SOX6: variants seen among roughly 807,000 people sequenced by gnomAD.
SOX6 encodes SRY-box transcription factor 6.
Under a neutral mutation model 97.8 loss-of-function variants are expected in SOX6, and 11 were observed. The ratio of observed to expected loss-of-function variants is 0.11; its 90% CI spans 0.07 to 0.19. SOX6 has a LOEUF of 0.19. SOX6 is among the 10% of genes least tolerant of loss of function. The pLI, the probability that SOX6 is intolerant of heterozygous loss-of-function variation, is 1.00. For synonymous variants in SOX6, 360 were observed against 371.4 expected, an observed-to-expected ratio of 0.97 and a Z score of 0.35; for missense variants, 810 against 1,039.5, an observed-to-expected ratio of 0.78 and a Z score of 3.04.
chr11:16,135,001 C>G (rs574518743), intron 6 of SOX6, among the ~76,000 whole-genome samples: 1 of 152,164 alleles, frequency 6.6e-6, no homozygotes, highest in African/African-American at 2.4e-5. Context: ...GAAGCCAATG[C>G]TCATTTACCA....
At chr11:16,737,863 G>A (rs555398072) in intron 1 of SOX6, among the ~76,000 whole-genome samples, 4 of 152,058 alleles carry the variant, frequency 2.6e-5, no homozygotes, top group African/African-American at 9.6e-5. Context: ...TTTAAAAAAT[G>A]GTTAATTTTA....
At chr11:16,483,402 C>G (rs1321175678) in intron 4 of SOX6, among the ~76,000 whole-genome samples, 2 of 151,808 alleles carry the variant, frequency 1.3e-5, no homozygotes, top group Non-Finnish European at 2.9e-5. Context: ...AGAAGTCTTG[C>G]TGAAAGGATT....
At chr11:16,479,588 A>G (rs188514717), upstream of SOX6, among the ~76,000 whole-genome samples, 77 of 152,128 alleles carry the variant, frequency 5.1e-4, no homozygotes, top group Non-Finnish European at 8.4e-4. Context: ...GAAGAAATGC[A>G]AATGTCCAAT....
intron 4 of SOX6, among the ~76,000 whole-genome samples, chr11:16,482,560 T>G (rs1046303804): frequency 9.2e-5 from 14 of 152,206 alleles, no homozygotes; most frequent in African/African-American, 3.4e-4. Context: ...AAGTGTCACT[T>G]GTTTTCTACA....
At chr11:16,225,516 C>A (rs1396511762) in intron 4 of SOX6, among the ~76,000 whole-genome samples, 2 of 147,842 alleles carry the variant, frequency 1.4e-5, no homozygotes, top group South Asian at 2.1e-4. Context: ...GTAGAAAAGG[C>A]AATGCATGGA....
intron 4 of SOX6, among the ~76,000 whole-genome samples, chr11:16,518,109 A>T (rs1861002425): frequency 6.6e-6 from 1 of 152,208 alleles, no homozygotes; most frequent in South Asian, 2.1e-4. Flanking sequence ...GCAGTCCTAC[A>T]CATAAAGCCT....
At chr11:16,488,534 T>C (rs1860470037) in intron 4 of SOX6, among the ~76,000 whole-genome samples, 1 of 152,042 alleles carries the variant, frequency 6.6e-6, no homozygotes, top group Non-Finnish European at 1.5e-5. Context: ...ACATCTTAGG[T>C]GATGTGGTGG....
intron 1 of SOX6, among the ~76,000 whole-genome samples, chr11:16,367,578 G>A (rs1036290723): frequency 6.6e-6 from 1 of 152,168 alleles, no homozygotes; most frequent in Non-Finnish European, 1.5e-5. Context: ...GAATAGCCCA[G>A]TGAAGTGCAA....
At chr11:16,422,045 G>C (rs1309593822) in intron 1 of SOX6, among the ~76,000 whole-genome samples, 3 of 152,142 alleles carry the variant, frequency 2.0e-5, no homozygotes, top group African/African-American at 7.2e-5. Flanking sequence ...GCAGTCCCTA[G>C]GCGTGCTTCA....
At chr11:15,979,066 A>ATATATAT (rs1564890454) in intron 15 of SOX6, among the ~76,000 whole-genome samples, 2 of 59,864 alleles carry the variant, frequency 3.3e-5, no homozygotes, top group African/African-American at 1.3e-4. Flanking sequence ...TATATATATA[A>ATATATAT]AACTGCTTAT....
intron 6 of SOX6, among the ~76,000 whole-genome samples, chr11:16,134,123 T>C (rs1849892762): frequency 6.6e-6 from 1 of 152,238 alleles, no homozygotes; most frequent in South Asian, 2.1e-4. Context: ...CACATTTAAT[T>C]CTCAAAACAT....
intron 4 of SOX6, among the ~76,000 whole-genome samples, chr11:16,504,506 C>A (rs1165906634): frequency 6.6e-6 from 1 of 151,556 alleles, no homozygotes; most frequent in Non-Finnish European, 1.5e-5. Flanking sequence ...CAAAAAAAAA[C>A]TTCGAAATAA....
At chr11:16,672,341 G>T (rs953107891) in intron 3 of SOX6, among the ~76,000 whole-genome samples, 1 of 152,190 alleles carries the variant, frequency 6.6e-6, no homozygotes, top group African/African-American at 2.4e-5. Flanking sequence ...CCATTTAAAA[G>T]GCCCAGAGTG....
chr11:16,461,452 T>C (rs2133106493), intron 1 of SOX6, among the ~76,000 whole-genome samples: 1 of 152,314 alleles, frequency 6.6e-6, no homozygotes, highest in South Asian at 2.1e-4. Flanking sequence ...CTTAGCCTTA[T>C]GGATCACGAT....
intron 4 of SOX6, among the ~76,000 whole-genome samples, chr11:16,503,707 T>C (rs551765256): frequency 2.0e-5 from 3 of 152,220 alleles, no homozygotes; most frequent in Non-Finnish European, 2.9e-5. Flanking sequence ...AAAATGTCAT[T>C]ATATAATGAT....
At chr11:16,691,989 T>C (rs1471494912) in intron 3 of SOX6, among the ~76,000 whole-genome samples, 1 of 151,994 alleles carries the variant, frequency 6.6e-6, no homozygotes, top group Non-Finnish European at 1.5e-5. Flanking sequence ...CGTCTCTCTT[T>C]AAAAGAAAAA....
intron 1 of SOX6, among the ~76,000 whole-genome samples, chr11:16,364,704 T>C (rs544889752): frequency 3.3e-5 from 5 of 152,230 alleles, no homozygotes; most frequent in South Asian, 4.2e-4. Context: ...GGTAGAGCAA[T>C]TAATTGCTAG....
intron 3 of SOX6, among the ~76,000 whole-genome samples, chr11:16,643,158 T>C (rs1389446755): frequency 6.6e-6 from 1 of 152,220 alleles, no homozygotes; most frequent in Non-Finnish European, 1.5e-5. Flanking sequence ...TGCAGGTCTG[T>C]TGGGGTTTGC....
chr11:16,297,998 G>C (rs1336646943), intron 3 of SOX6, among the ~76,000 whole-genome samples: 1 of 152,008 alleles, frequency 6.6e-6, no homozygotes, highest in East Asian at 1.9e-4. Context: ...TTCTTTAAAT[G>C]AATTCAGTAG....
Sources: gnomAD v4.1 joint callset for allele counts (sites outside exome capture counted in the v4.1 genomes callset) on GRCh38, gnomAD v4.1.1 for gene constraint, MANE v1.5 for transcripts, NCBI Gene and HGNC (gene_info 2026-07-23, HGNC 2026-07-21) for gene names.